Variants in GPR19 observed in about 807,000 individuals in gnomAD.
GPR19 encodes G protein-coupled receptor 19, also known as probable G protein-coupled receptor 19.
Under a neutral mutation model 28.5 loss-of-function variants are expected in GPR19, and 14 were observed. The ratio of observed to expected loss-of-function variants is 0.49; its 90% CI spans 0.32 to 0.77. The LOEUF (loss-of-function observed/expected upper bound fraction) is 0.77. GPR19 is among the 30% of genes least tolerant of loss of function. The pLI, the probability that GPR19 is intolerant of heterozygous loss-of-function variation, is 0.03. For missense variants in GPR19, 409 were observed against 504.1 expected, an observed-to-expected ratio of 0.81 and a Z score of 1.81; for synonymous variants, 173 against 184.1, an observed-to-expected ratio of 0.94 and a Z score of 0.49.
rs1258728789 is a variant in GPR19, at chr12:12,661,118, T to G, written c.*83A>C. ...AAAACATTTCCCTTGGAAAGTTGAGTGAAAACAAATATGTAAATAGCTTCT... is the reference window on the plus strand; with the variant it reads ...AAAACATTTCCCTTGGAAAGTTGAGGGAAAACAAATATGTAAATAGCTTCT... On this transcript the variant is annotated 3_prime_UTR_variant, in exon 4 of 4. Coordinates refer to ENST00000651487, the MANE Select transcript of GPR19 (RefSeq NM_006143.3). The surrounding 1 kb of genome is among the most constrained non-coding windows in gnomAD (Gnocchi z 4.2). 3.8e-5 allele frequency: 36 copies of G among 957,424 alleles called. No homozygotes were observed. The highest frequency in any genetic ancestry group is 3.6e-5 in the Non-Finnish European group (24 of 660,064). The allele number at this position is 957,424 out of a possible 1,614,324, so 59.3% of individuals were successfully genotyped here.
chr12:12,714,572 C>A, the GPR19 span, among the ~76,000 whole-genome samples: 1 of 152,184 alleles, frequency 6.6e-6, no homozygotes, highest in African/African-American at 2.4e-5. Context: ...AAATGGCAAC[C>A]AAAACATCAC....
the GPR19 span, among the ~76,000 whole-genome samples, chr12:12,711,845 T>C: frequency 2.0e-5 from 3 of 152,344 alleles, 1 homozygote; most frequent in South Asian, 6.2e-4. Flanking sequence ...AATCCTCTTA[T>C]ATGTTCCAGC....
At chr12:12,692,153 G>T (rs894064816) in intron 2 of GPR19, among the ~76,000 whole-genome samples, 1 of 152,212 alleles carries the variant, frequency 6.6e-6, no homozygotes, top group Non-Finnish European at 1.5e-5. Context: ...GCTGCCATCA[G>T]TTTCCCTGTA....
chr12:12,662,916 T>C (rs978883286), intron 3 of GPR19, among the ~76,000 whole-genome samples: 2 of 152,246 alleles, frequency 1.3e-5, no homozygotes, highest in African/African-American at 4.8e-5. Flanking sequence ...CTTGGGCAGA[T>C]GAAAACACAC....
intron 2 of GPR19, among the ~76,000 whole-genome samples, chr12:12,687,792 T>C (rs1946117019): frequency 6.6e-6 from 1 of 152,136 alleles, no homozygotes; most frequent in Non-Finnish European, 1.5e-5. Context: ...TTAAAATGGT[T>C]TTCTTAAAAC....
intron 2 of GPR19, among the ~76,000 whole-genome samples, chr12:12,688,111 C>G (rs1020458063): frequency 2.6e-5 from 4 of 152,048 alleles, no homozygotes; most frequent in Admixed American, 1.3e-4. Flanking sequence ...AGTTGTTGAA[C>G]GGGTTATTTG....
At chr12:12,710,811 G>A in the GPR19 span, among the ~76,000 whole-genome samples, 2 of 152,148 alleles carry the variant, frequency 1.3e-5, no homozygotes, top group Admixed American at 1.3e-4. Flanking sequence ...AAAGTGAGGG[G>A]ATTACAAACA....
At chr12:12,678,064 ACT>A (rs1223754695) in intron 3 of GPR19, among the ~76,000 whole-genome samples, 5 of 126,138 alleles carry the variant, frequency 4.0e-5, no homozygotes, top group African/African-American at 1.6e-4. Context: ...ACAGAACGAG[ACT>A]CTGTCTCAAA....
chr12:12,702,514 A>G, the GPR19 span, among the ~76,000 whole-genome samples: 17 of 152,212 alleles, frequency 1.1e-4, no homozygotes, highest in Admixed American at 2.0e-4. Flanking sequence ...CATGGTAAAT[A>G]TAGACCTGTG....
At chr12:12,685,509 G>C (rs577504207) in intron 2 of GPR19, among the ~76,000 whole-genome samples, 364 of 152,270 alleles carry the variant, frequency 2.4e-3, no homozygotes, top group Non-Finnish European at 4.2e-3. Context: ...AGTTGCCATG[G>C]TGCTAGGTAA....
intron 2 of GPR19, among the ~76,000 whole-genome samples, chr12:12,691,332 T>C (rs1946177864): frequency 6.6e-6 from 1 of 152,162 alleles, no homozygotes; most frequent in Non-Finnish European, 1.5e-5. Flanking sequence ...CCAATAGCTC[T>C]GGTCTAAACT....
intron 3 of GPR19, among the ~76,000 whole-genome samples, chr12:12,677,386 A>G (rs1464104634): frequency 6.6e-6 from 1 of 151,946 alleles, no homozygotes; most frequent in Admixed American, 6.6e-5. Flanking sequence ...TTGTATTTTT[A>G]GTAGACATGG....
chr12:12,714,985 C>G, the GPR19 span: 3 of 152,198 alleles, frequency 2.0e-5, no homozygotes, highest in Admixed American at 6.5e-5. Flanking sequence ...AACAAAGCGA[C>G]AAAATGGTGC....
At chr12:12,675,424 G>C (rs1026439118) in intron 3 of GPR19, among the ~76,000 whole-genome samples, 4 of 152,128 alleles carry the variant, frequency 2.6e-5, no homozygotes, top group African/African-American at 9.7e-5. Flanking sequence ...AGGCAGAATG[G>C]TTCCCCAAAG....
At chr12:12,692,039 T>C (rs1278467899) in intron 2 of GPR19, among the ~76,000 whole-genome samples, 1 of 152,228 alleles carries the variant, frequency 6.6e-6, no homozygotes, top group Non-Finnish European at 1.5e-5. Context: ...ACTTCTCTTT[T>C]TTCCTGACTT....
Position 12,661,752 on chromosome 12 carries a change from C to T in GPR19, c.697G>A (p.Val233Met), listed in dbSNP as rs746606634. ...AAAATTATGAGGACAGATGGAATCA[C>T]AAAGCCCACCAAGAAGTGGATGACA... Reference protein sequence around the residue: ...YTVIHFLVGFVIPSVLIILFY... With the variant: ...YTVIHFLVGFMIPSVLIILFY... The change falls in exon 4 of 4, where the codon GTG becomes ATG. Residue 233 changes from valine (V) to methionine (M), a missense_variant. Val to Met is a conservative substitution (Grantham distance 21). Coordinates refer to ENST00000651487, the MANE Select transcript of GPR19 (RefSeq NM_006143.3). The surrounding 1 kb of genome is among the most constrained non-coding windows in gnomAD (Gnocchi z 4.2). The T allele has an allele frequency of 5.0e-6, 8 of 1,613,914 alleles. No homozygotes were observed. Among genetic ancestry groups the T allele is most frequent in the Non-Finnish European group, 5.9e-6 (7 of 1,179,986 alleles).
intron 2 of GPR19, among the ~76,000 whole-genome samples, chr12:12,695,169 T>C (rs1946244278): frequency 6.6e-6 from 1 of 152,236 alleles, no homozygotes; most frequent in Admixed American, 6.5e-5. Flanking sequence ...TCTTCTGCCT[T>C]GTACTCCAGA....
chr12:12,661,242 C>A lies in GPR19; in HGVS notation c.1207G>T (p.Ala403Ser). ...GGTGGATTTGAGTTAATGGGCCAAG[C>A]AAGCTTTTTTTCCTTGGCTTCTCTG... ...FDREAKEKKL[A>S]WPINSNPPNT... Residue 403 changes from alanine (A) to serine (S), a missense_variant, in exon 4 of 4, where the codon GCT becomes TCT. Coordinates refer to ENST00000651487, the MANE Select transcript of GPR19 (RefSeq NM_006143.3). This position sits in a 1 kb window ranked among gnomAD's most constrained non-coding sequence, Gnocchi z 4.2. The A allele has an allele frequency of 1.9e-6, 3 of 1,612,170 alleles. No homozygotes were observed. Among genetic ancestry groups the A allele is most frequent in the Non-Finnish European group, 1.7e-6 (2 of 1,179,200 alleles).
intron 3 of GPR19, chr12:12,683,955 C>CA (rs11055016): frequency 0.98 from 149,749 of 152,358 alleles, 73,642 homozygotes; most frequent in East Asian, 1. Context: ...CTCCCCAAGC[C>CA]CTGCCAATAA....
Sources: gnomAD v4.1 joint callset for allele counts (sites outside exome capture counted in the v4.1 genomes callset) on GRCh38, gnomAD v4.1.1 for gene constraint, Gnocchi (gnomAD v3.1) non-coding constraint, MANE v1.5 for transcripts, NCBI Gene and HGNC (gene_info 2026-07-23, HGNC 2026-07-21) for gene names.